The following MOBP variants were observed in gnomAD, a reference collection of about 807,000 sequenced individuals.
MOBP encodes myelin-associated oligodendrocyte basic protein.
Under a neutral mutation model 15.0 loss-of-function variants are expected in MOBP, and 5 were observed. The ratio of observed to expected loss-of-function variants is 0.33; its 90% CI spans 0.17 to 0.70. The LOEUF (loss-of-function observed/expected upper bound fraction) is 0.70. Ranked by LOEUF, MOBP falls within the 30% of genes least tolerant of loss-of-function variation. MOBP has a pLI of 0.67. For missense variants in MOBP, 188 were observed against 257.8 expected (o/e 0.73, Z 1.85); for synonymous variants, 88 against 99.0 (o/e 0.89, Z 0.66).
chr3:39,492,816 C>G lies in MOBP; in HGVS notation c.-4-9250C>G, dbSNP rs952126292. ...GCACAGTCAAGGTCAAAGCTTGTCT[C>G]CTGTTCTTCCCATGTTGAGTTCTTT... is the stretch of plus-strand genomic sequence containing the variant. On this transcript the variant is annotated intron_variant, in intron 2 of 3. Coordinates refer to ENST00000684792, the MANE Select transcript of MOBP (RefSeq NM_001393704.1). Among the ~76,000 whole-genome samples, 3 of 152,168 alleles carry G rather than the reference C, an allele frequency of 2.0e-5. 1 individual carries two copies. In the South Asian group the frequency reaches 6.2e-4, roughly 32 times the overall value.
chr3:39,477,669 A>G (rs2042562994), intron 1 of MOBP, among the ~76,000 whole-genome samples: 1 of 149,514 alleles, frequency 6.7e-6, no homozygotes, highest in African/African-American at 2.6e-5. Context: ...GAGGTGTTCC[A>G]GAAGAAGACA....
At chr3:39,486,928 CT>C (rs60949098) in intron 2 of MOBP, among the ~76,000 whole-genome samples, 27,847 of 138,796 alleles carry the variant, frequency 0.2, 3,193 homozygotes, top group African/African-American at 0.33. Flanking sequence ...TGTACAGTAG[CT>C]TTTTTTTTTT....
At chr3:39,516,238 T>C (rs1215925138), downstream of MOBP, among the ~76,000 whole-genome samples, 2 of 152,072 alleles carry the variant, frequency 1.3e-5, no homozygotes, top group African/African-American at 4.8e-5. Context: ...GGCTGGAGTG[T>C]TGCACTTACT....
downstream of MOBP, among the ~76,000 whole-genome samples, chr3:39,520,961 C>A (rs200696847): frequency 1.5e-5 from 2 of 129,290 alleles, no homozygotes; most frequent in African/African-American, 6.5e-5. Flanking sequence ...TTTTTTTTTT[C>A]TTTTTGACAG....
At chr3:39,523,802 A>G (rs933934170) in intron 3 of MOBP, among the ~76,000 whole-genome samples, 1 of 152,222 alleles carries the variant, frequency 6.6e-6, no homozygotes, top group Non-Finnish European at 1.5e-5. Flanking sequence ...ACATGGAGTT[A>G]TGTAACAAAA....
At position 39,502,419 on chromosome 3, in the gene MOBP, C is replaced by A; in HGVS notation, c.207-116C>A. ...GACACCGGAAGGCACTCCAGGGAGA[C>A]TGGAAGGTGGGTGGGGGAGCAGGGC... On this transcript the variant is annotated intron_variant, in intron 3 of 3. Coordinates refer to ENST00000684792, the MANE Select transcript of MOBP (RefSeq NM_001393704.1). This position sits in a 1 kb window ranked among gnomAD's most constrained non-coding sequence, Gnocchi z 6.3. 1 of 1,524,088 alleles carries A rather than the reference C, an allele frequency of 6.6e-7. No homozygotes were observed. 94.4% of individuals were successfully genotyped at this position (1,524,088 alleles called of 1,614,324 possible).
chr3:39,523,991 A>T (rs531645187), intron 3 of MOBP, among the ~76,000 whole-genome samples: 2 of 152,332 alleles, frequency 1.3e-5, no homozygotes, highest in South Asian at 4.1e-4. Context: ...TGGCTAAGAA[A>T]AAAATTATAA....
At chr3:39,493,682 A>T (rs557783749) in intron 2 of MOBP, among the ~76,000 whole-genome samples, 1 of 152,254 alleles carries the variant, frequency 6.6e-6, no homozygotes, top group Non-Finnish European at 1.5e-5. Flanking sequence ...GGGTAGCACT[A>T]AAGTTCTAGA....
intron 1 of MOBP, among the ~76,000 whole-genome samples, chr3:39,469,205 C>CATATGTGTATATATACATATATACAT (rs763474071): frequency 1.7e-5 from 1 of 60,020 alleles, no homozygotes; most frequent in African/African-American, 1.6e-4. Flanking sequence ...TACATATATA[C>CATATGTGTATATATACATATATACAT]ATGTGTGTGT....
Position 39,502,923 on chromosome 3 carries a change from T to A in MOBP, c.*43T>A. 3.3e-6 allele frequency: 3 copies of A among 905,816 alleles called. No homozygotes were observed. Among genetic ancestry groups the A allele is most frequent in the African/African-American group, 1.7e-5 (1 of 59,610 alleles). The allele number at this position is 905,816 out of a possible 1,614,324, so 56.1% of individuals were successfully genotyped here. On this transcript the variant is annotated 3_prime_UTR_variant, in exon 4 of 4. Coordinates refer to ENST00000684792, the MANE Select transcript of MOBP (RefSeq NM_001393704.1). This position sits in a 1 kb window ranked among gnomAD's most constrained non-coding sequence, Gnocchi z 6.3. ...TGTTCCCCAGCCCTAAGGTTAGTAG[T>A]TGCTTCCTGTGTTTACTAACACCGG...
intron 1 of MOBP, among the ~76,000 whole-genome samples, chr3:39,479,338 C>T (rs1484994101): frequency 1.3e-5 from 2 of 151,126 alleles, no homozygotes; most frequent in Non-Finnish European, 2.9e-5. Flanking sequence ...ACTAGAATTA[C>T]AGGGTTCTTT....
chr3:39,498,253 T>C (rs892552590), intron 2 of MOBP, among the ~76,000 whole-genome samples: 2 of 152,224 alleles, frequency 1.3e-5, no homozygotes, highest in African/African-American at 4.8e-5. Context: ...GGAAGCAGTA[T>C]ATAGAACTGC....
intron 2 of MOBP, among the ~76,000 whole-genome samples, chr3:39,487,121 A>G (rs1046333711): frequency 1.3e-5 from 2 of 151,824 alleles, no homozygotes; most frequent in African/African-American, 4.8e-5. Context: ...AAAAAAAAAA[A>G]ATGTAGGGAT....
At chr3:39,484,093 T>C (rs1423654958) in intron 2 of MOBP, among the ~76,000 whole-genome samples, 1 of 152,126 alleles carries the variant, frequency 6.6e-6, no homozygotes, top group East Asian at 1.9e-4. Flanking sequence ...AGTCCACAAA[T>C]AGAAGTATGT....
intron 2 of MOBP, among the ~76,000 whole-genome samples, chr3:39,482,053 T>C (rs73826440): frequency 0.016 from 2,478 of 152,282 alleles, 67 homozygotes; most frequent in African/African-American, 0.055. Context: ...GACATCTTCA[T>C]CTAGAAGCCT....
intron 1 of MOBP, among the ~76,000 whole-genome samples, chr3:39,479,563 T>C (rs2042597182): frequency 6.6e-6 from 1 of 152,160 alleles, no homozygotes. Context: ...TTTCATGTGA[T>C]ATACAGCACA....
At position 39,502,849 on chromosome 3, in the gene MOBP, G is replaced by A; in HGVS notation, c.521G>A (p.Gly174Glu). Residue 174 changes from glycine to glutamate, a missense_variant, in exon 4 of 4, where the codon GGG becomes GAG. Physicochemically the swap from Gly to Glu is moderately conservative, Grantham distance 98. Transcript: ENST00000684792. The surrounding 1 kb of genome is among the most constrained non-coding windows in gnomAD (Gnocchi z 6.3). ...AGAGGGCCAGGCGCCAGCCGTGGGG[G>A]GTCCCCCGTCAAAGCTTCTAGGTTC... ...PLRGPGASRG[G>E]SPVKASRFW 2 of 1,469,508 alleles carry A rather than the reference G, an allele frequency of 1.4e-6. No individual in the cohort carries two copies. Among genetic ancestry groups the A allele is most frequent in the Non-Finnish European group, 1.8e-6 (2 of 1,096,540 alleles). 91.0% of individuals were successfully genotyped at this position (1,469,508 alleles called of 1,614,324 possible). A position where few individuals can be genotyped will look rare whatever the true frequency, so the allele number is the denominator to read the frequency against.
chr3:39,506,084 C>G (rs1055346743), downstream of MOBP, among the ~76,000 whole-genome samples: 2 of 152,152 alleles, frequency 1.3e-5, no homozygotes, highest in African/African-American at 4.8e-5. Context: ...CTTCCAACCT[C>G]TTATCTCCTT....
At chr3:39,469,065 TATAC>T (rs2042412725) in intron 1 of MOBP, among the ~76,000 whole-genome samples, 1 of 67,610 alleles carries the variant, frequency 1.5e-5, no homozygotes, top group Non-Finnish European at 2.7e-5. Context: ...TATATACATA[TATAC>T]ATATGTGTGT....
Sources: gnomAD v4.1 joint callset for allele counts (sites outside exome capture counted in the v4.1 genomes callset) on GRCh38, gnomAD v4.1.1 for gene constraint, Gnocchi (gnomAD v3.1) non-coding constraint, MANE v1.5 for transcripts, NCBI Gene and HGNC (gene_info 2026-07-23, HGNC 2026-07-21) for gene names.